The following PIWIL4 variants were observed in gnomAD, a reference collection of about 807,000 sequenced individuals.
PIWIL4 encodes piwi-like protein 4.
In PIWIL4, 50 loss-of-function variants were observed where a neutral mutation model predicts 100.9. That is an observed-to-expected ratio of 0.50 (90% CI 0.39 to 0.63). The LOEUF (loss-of-function observed/expected upper bound fraction) is 0.63, where lower values mean the gene tolerates loss of function less well. PIWIL4 is among the 20% of genes least tolerant of loss of function. PIWIL4 has a pLI of 0.00. For synonymous variants in PIWIL4, 342 were observed against 367.5 expected, an observed-to-expected ratio of 0.93 and a Z score of 0.79; for missense variants, 887 against 1,043.3, an observed-to-expected ratio of 0.85 and a Z score of 2.06.
chr11:94,593,537 C>T lies in PIWIL4; in HGVS notation c.1046C>T (p.Ser349Leu), dbSNP rs185092971. ...TTATAGCAGTATGATATTACTGTAT[C>T]GGACCTGAATCAGCCCATGCTTGTT... is the stretch of plus-strand genomic sequence containing the variant. ...YYKQQYDITV[S>L]DLNQPMLVSL... The change falls in exon 9 of 20, where the codon TCG (serine) becomes TTG (leucine). Residue 349 changes from serine (S) to leucine (L), a missense_variant. Ser to Leu is a moderately radical substitution (Grantham distance 145). Transcript: ENST00000299001. The T allele has an allele frequency of 6.9e-5, 112 of 1,613,328 alleles. No homozygotes were observed. Among genetic ancestry groups the T allele is most frequent in the Non-Finnish European group, 8.8e-5 (104 of 1,179,664 alleles).
At chr11:94,596,565 T>C (rs752779403) in intron 10 of PIWIL4, among the ~76,000 whole-genome samples, 6 of 152,218 alleles carry the variant, frequency 3.9e-5, no homozygotes, top group Non-Finnish European at 5.9e-5. Flanking sequence ...AAACATGATC[T>C]CTATTATCAT....
chr11:94,568,965 A>T (rs532568121), intron 2 of PIWIL4, among the ~76,000 whole-genome samples, 157 bp downstream of exon 2: 3 of 152,204 alleles, frequency 2.0e-5, no homozygotes, highest in Non-Finnish European at 4.4e-5. Flanking sequence ...ACTCTTTAAC[A>T]TAGAAGCACG....
At chr11:94,589,387 C>G (rs1948450064) in intron 8 of PIWIL4, among the ~76,000 whole-genome samples, 155 bp downstream of exon 8, 3 of 152,192 alleles carry the variant, frequency 2.0e-5, no homozygotes, top group Non-Finnish European at 2.9e-5. Flanking sequence ...CCCTCCCAGT[C>G]TCCTGTTGAC....
At chr11:94,593,994 G>A (rs776502407) in intron 9 of PIWIL4, among the ~76,000 whole-genome samples, 2 of 152,044 alleles carry the variant, frequency 1.3e-5, no homozygotes, top group Admixed American at 6.6e-5. Flanking sequence ...TTCTTTTTGC[G>A]TGAATTTTCA....
intron 8 of PIWIL4, among the ~76,000 whole-genome samples, chr11:94,590,317 CG>C (rs2135264923): frequency 6.6e-6 from 1 of 152,260 alleles, no homozygotes; most frequent in South Asian, 2.1e-4. Flanking sequence ...CCTCTCCCAC[CG>C]GCTGGAACTG....
Position 94,568,774 on chromosome 11 carries a change from T to C in PIWIL4, c.132T>C (p.Asn44=), listed in dbSNP as rs772542143. 7 of 1,610,274 alleles carry C rather than the reference T, an allele frequency of 4.3e-6. No individual in the cohort carries two copies. The highest frequency in any genetic ancestry group is 1.7e-5 in the Admixed American group (1 of 60,026). ...DLSNNEASSS[N]GFLGTSRIST... ...GTAACAATGAAGCATCCTCTAGCAA[T>C]GGCTTCTTGGGAACAAGCAGGATCT... Residue 44 remains asparagine, a synonymous_variant, in exon 2 of 20, where the codon AAT becomes AAC. Coordinates refer to ENST00000299001, the MANE Select transcript of PIWIL4 (RefSeq NM_152431.3).
rs752872198 is a variant in PIWIL4, at chr11:94,597,806, A to T, written c.1271A>T (p.Asn424Ile). The change falls in exon 11 of 20, where the codon AAT becomes ATT. Residue 424 changes from asparagine (N) to isoleucine (I), a missense_variant and splice_region_variant. Physicochemically the swap from Asn to Ile is moderately radical, Grantham distance 149. Coordinates refer to ENST00000299001, the MANE Select transcript of PIWIL4 (RefSeq NM_152431.3). ...ATTTAAAACAACTTTATCAACAGGA[A>T]TACCAATGCTCGCTTTGAACTAGAG... ...LARLVDNIQR[N>I]TNARFELETW... The T allele has an allele frequency of 1.9e-6, 3 of 1,608,270 alleles. No homozygotes were observed. In the South Asian group the frequency reaches 3.3e-5, roughly 18 times the overall value.
chr11:94,606,437 G>A (rs34609015), intron 13 of PIWIL4, among the ~76,000 whole-genome samples: 1,835 of 152,280 alleles, frequency 0.012, 20 homozygotes, highest in African/African-American at 0.034. Flanking sequence ...ATCATTGACA[G>A]TGCATGTCTT....
Position 94,589,245 on chromosome 11 carries a change from T to G in PIWIL4, c.1026+13T>G. ...TTACTACAAGCAGGTAGGACTTTTC[T>G]TCATGCATCTCTATCTCCTTTTCTT... On this transcript the variant is annotated intron_variant, in intron 8 of 19. Transcript: ENST00000299001. 4 of 1,547,754 alleles carry G rather than the reference T, an allele frequency of 2.6e-6. No homozygotes were observed. The highest frequency in any genetic ancestry group is 3.6e-6 in the Non-Finnish European group (4 of 1,120,324).
chr11:94,574,877 A>T, intron 2 of PIWIL4, 122 bp from the exon 3 acceptor site: 1 of 983,794 alleles, frequency 1.0e-6, no homozygotes, highest in Non-Finnish European at 1.5e-6. Flanking sequence ...TGGTTTCAGC[A>T]ATATGGGCAA....
At chr11:94,600,568 G>T (rs1296882786) in intron 11 of PIWIL4, among the ~76,000 whole-genome samples, 2 of 152,110 alleles carry the variant, frequency 1.3e-5, no homozygotes, top group Non-Finnish European at 2.9e-5. Context: ...TCACAGGACC[G>T]GGCGAAATTA....
intron 7 of PIWIL4, among the ~76,000 whole-genome samples, 154 bp from the exon 8 acceptor site, chr11:94,588,967 G>A (rs1467798054): frequency 6.6e-6 from 1 of 152,186 alleles, no homozygotes; most frequent in Admixed American, 6.5e-5. Flanking sequence ...GATAAGAGCT[G>A]AGTATTTTTT....
At chr11:94,619,553 T>C (rs1015567389) in intron 17 of PIWIL4, among the ~76,000 whole-genome samples, 3 of 152,190 alleles carry the variant, frequency 2.0e-5, no homozygotes, top group African/African-American at 4.8e-5. Context: ...TGGGATAGCA[T>C]CCTTTTGCAA....
chr11:94,604,494 C>A (rs998649652), intron 13 of PIWIL4, among the ~76,000 whole-genome samples: 1 of 152,172 alleles, frequency 6.6e-6, no homozygotes, highest in East Asian at 1.9e-4. Context: ...TCAGAGAGGA[C>A]CACTTCCTCC....
intron 13 of PIWIL4, among the ~76,000 whole-genome samples, chr11:94,606,833 CAA>C (rs34989614): frequency 1.4e-4 from 14 of 102,764 alleles, no homozygotes; most frequent in Admixed American, 2.0e-4. Flanking sequence ...GACTCTGTCT[CAA>C]AAAAAAAAAA....
chr11:94,592,330 T>C (rs1276583097), intron 8 of PIWIL4, among the ~76,000 whole-genome samples: 1 of 152,242 alleles, frequency 6.6e-6, no homozygotes, highest in East Asian at 1.9e-4. Flanking sequence ...TCGTGCTTTG[T>C]TAAGCATTGT....
At chr11:94,568,561 C>A (rs945350429) in intron 1 of PIWIL4, among the ~76,000 whole-genome samples, 169 bp from the exon 2 acceptor site, 2 of 152,178 alleles carry the variant, frequency 1.3e-5, no homozygotes, top group African/African-American at 4.8e-5. Flanking sequence ...TGTCCTTATC[C>A]TCTTTTCTAG....
chr11:94,611,444 G>A (rs1948786316), intron 15 of PIWIL4, among the ~76,000 whole-genome samples: 1 of 151,874 alleles, frequency 6.6e-6, no homozygotes, highest in Non-Finnish European at 1.5e-5. Context: ...GTTTTAGTAT[G>A]TTGTGTTTCT....
At chr11:94,592,475 T>A (rs1316264645) in intron 8 of PIWIL4, among the ~76,000 whole-genome samples, 1 of 152,188 alleles carries the variant, frequency 6.6e-6, no homozygotes, top group Non-Finnish European at 1.5e-5. Context: ...ATTAATGGAG[T>A]CATGCATACA....
Sources: gnomAD v4.1 joint callset for allele counts (sites outside exome capture counted in the v4.1 genomes callset) on GRCh38, gnomAD v4.1.1 for gene constraint, MANE v1.5 for transcripts, NCBI Gene and HGNC (gene_info 2026-07-23, HGNC 2026-07-21) for gene names.